Variants in KHK observed in about 807,000 individuals in gnomAD.
The protein encoded by KHK is ketohexokinase.
A neutral mutation model predicts 36.0 loss-of-function variants in KHK; 37 were observed. The observed-to-expected ratio is 1.03, with a 90% CI of 0.79 to 1.35. KHK has a LOEUF of 1.35. Ranked by LOEUF, KHK falls within the 40% of genes most tolerant of loss-of-function variation. The probability of loss-of-function intolerance (pLI) is 0.00; values close to 1 mark genes in which losing one functional copy is unlikely to be tolerated. For missense variants in KHK, 395 were observed against 391.9 expected (o/e 1.01, Z -0.07); for synonymous variants, 161 against 162.8 (o/e 0.99, Z 0.08).
chr2:27,094,322 C>T (rs913233818), intron 2 of KHK: 2 of 858,826 alleles, frequency 2.3e-6, no homozygotes, highest in East Asian at 2.5e-5. Context: ...TGCCCTGTTG[C>T]ACTGCCTGTG....
In KHK at chr2:27,097,644, G is replaced by A; in HGVS notation, c.559G>A (p.Asp187Asn). The A allele has an allele frequency of 6.2e-7, 1 of 1,614,086 alleles. No individual in the cohort carries two copies. Among genetic ancestry groups the A allele is most frequent in the Non-Finnish European group, 8.5e-7 (1 of 1,180,044 alleles). ...GCTCTTCCAGCTGTTTGGCTACGGA[G>A]ACGTGGTGGGTGCCCCATTCAGCCT... ...EELFQLFGYG[D>N]VVFVSKDVAK... Residue 187 changes from aspartate to asparagine, a missense_variant, in exon 5 of 8, where the codon GAC (aspartate) becomes AAC (asparagine). Coordinates refer to ENST00000260598, the MANE Select transcript of KHK (RefSeq NM_006488.3).
rs761781392 is a variant in KHK at position 27,097,476 on chromosome 2, G to A, written c.418-27G>A. On this transcript the variant is annotated intron_variant, in intron 4 of 7. Transcript: ENST00000260598. ...CAGATTGGCCAGGCAGTGCCCAGCG[G>A]TCCTGAGCTGCCCTGTCCTGTACCA... is the stretch of plus-strand genomic sequence containing the variant. 3.1e-6 allele frequency: 5 copies of A among 1,612,400 alleles called. No individual in the cohort carries two copies. In the South Asian group the frequency reaches 3.3e-5, roughly 11 times the overall value.
Position 27,099,855 on chromosome 2 carries a change from G to T in KHK, c.*105G>T. ...TCCAGGTTGCCCTGTTCAGGGGACA[G>T]ATGCAAGCTGTGGGGAGGACTCTGC... is the stretch of plus-strand genomic sequence containing the variant. On this transcript the variant is annotated 3_prime_UTR_variant, in exon 8 of 8. Transcript: ENST00000260598. 1 of 1,552,656 alleles carries T rather than the reference G, an allele frequency of 6.4e-7. No individual in the cohort carries two copies. Among genetic ancestry groups the T allele is most frequent in the Non-Finnish European group, 8.7e-7 (1 of 1,148,340 alleles).
chr2:27,087,486 C>T, intron 1 of KHK, 135 bp downstream of exon 1: 1 of 602,730 alleles, frequency 1.7e-6, no homozygotes, highest in South Asian at 2.3e-5. Flanking sequence ...CGCCCTCTAC[C>T]CGGGAATCCT....
intron 7 of KHK, 44 bp downstream of exon 7, chr2:27,099,621 T>C: frequency 6.2e-7 from 1 of 1,614,084 alleles, no homozygotes; most frequent in Non-Finnish European, 8.5e-7. Context: ...GACCTGTCCC[T>C]GCCCCAAACA....
chr2:27,089,520 G>A (rs755417807), intron 1 of KHK, among the ~76,000 whole-genome samples: 8 of 152,174 alleles, frequency 5.3e-5, no homozygotes, highest in East Asian at 1.9e-4. Flanking sequence ...TAATTCTGTC[G>A]GGAAGGTAGG....
At chr2:27,099,025 A>T in intron 5 of KHK, 171 bp from the exon 6 acceptor site, 1 of 694,230 alleles carries the variant, frequency 1.4e-6, no homozygotes, top group Non-Finnish European at 2.6e-6. Context: ...GACCATCTTC[A>T]CAAAAAATAA....
In KHK at chr2:27,100,495, G is replaced by C. The variant is rs1670753683; in HGVS notation, c.*745G>C. The C allele has an allele frequency of 7.7e-7, 1 of 1,290,892 alleles. No individual in the cohort carries two copies. Among genetic ancestry groups the C allele is most frequent in the South Asian group, 1.2e-5 (1 of 81,034 alleles). The allele number at this position is 1,290,892 out of a possible 1,614,324, so 80.0% of individuals were successfully genotyped here. A position where few individuals can be genotyped will look rare whatever the true frequency, so the allele number is the denominator to read the frequency against. ...GCTGTCCTCAGGGAGGTCCGATCTG[G>C]AACACATATTGGAATTGGGGCCAAC... On this transcript the variant is annotated 3_prime_UTR_variant, in exon 8 of 8. Coordinates refer to ENST00000260598, the MANE Select transcript of KHK (RefSeq NM_006488.3).
Position 27,097,635 on chromosome 2 carries a change from G to A in KHK, c.550G>A (p.Gly184Ser). Residue 184 changes from glycine to serine, a missense_variant, in exon 5 of 8, where the codon GGC (glycine) becomes AGC (serine). Physicochemically the swap from Gly to Ser is moderately conservative, Grantham distance 56. Transcript: ENST00000260598. ...KPREELFQLFGYGDVVFVSKD... is the reference protein window; with the variant it reads ...KPREELFQLFSYGDVVFVSKD... ...ACGAGAGGAGCTCTTCCAGCTGTTT[G>A]GCTACGGAGACGTGGTGGGTGCCCC... 1 of 1,614,090 alleles carries A rather than the reference G, an allele frequency of 6.2e-7. No homozygotes were observed. Among genetic ancestry groups the A allele is most frequent in the Non-Finnish European group, 8.5e-7 (1 of 1,180,036 alleles).
intron 3 of KHK, 111 bp downstream of exon 3, chr2:27,095,045 A>G: frequency 7.8e-7 from 1 of 1,275,992 alleles, no homozygotes; most frequent in Non-Finnish European, 1.1e-6. Context: ...GCTTCTGTGT[A>G]CCAGAAGTTG....
At chr2:27,098,336 C>G (rs1276177371) in intron 5 of KHK, among the ~76,000 whole-genome samples, 1 of 151,900 alleles carries the variant, frequency 6.6e-6, no homozygotes, top group East Asian at 1.9e-4. Flanking sequence ...GCCTGGACAA[C>G]ATAGCAAGAC....
Position 27,094,746 on chromosome 2 carries a change from C to A in KHK, c.210-54C>A, listed in dbSNP as rs1670231283. The A allele has an allele frequency of 4.3e-6, 7 of 1,613,916 alleles. No homozygotes were observed. In the East Asian group the frequency reaches 1.6e-4, roughly 36 times the overall value. ...TCCTTTTGGAGGTCCAGACCACTTCCAGGCTCTAATCTGTGTCTCCTTGCC... is the reference window on the plus strand; with the variant it reads ...TCCTTTTGGAGGTCCAGACCACTTCAAGGCTCTAATCTGTGTCTCCTTGCC... On this transcript the variant is annotated intron_variant, in intron 2 of 7. Transcript: ENST00000260598.
At chr2:27,090,661 G>T (rs1443497927) in intron 1 of KHK, among the ~76,000 whole-genome samples, 1 of 151,306 alleles carries the variant, frequency 6.6e-6, no homozygotes, top group Non-Finnish European at 1.5e-5. Context: ...CAACATCTTG[G>T]CCAGGCTGGT....
intron 4 of KHK, among the ~76,000 whole-genome samples, chr2:27,097,080 C>G (rs1354606209): frequency 2.6e-5 from 4 of 152,220 alleles, no homozygotes; most frequent in Non-Finnish European, 5.9e-5. Context: ...GCCTCCAACT[C>G]TGCCTCTGGC....
Position 27,100,656 on chromosome 2 carries a change from C to T in KHK, c.*906C>T. The T allele has an allele frequency of 9.4e-7, 1 of 1,068,128 alleles. No homozygotes were observed. Among genetic ancestry groups the T allele is most frequent in the Non-Finnish European group, 1.2e-6 (1 of 823,514 alleles). 66.2% of individuals were successfully genotyped at this position (1,068,128 alleles called of 1,614,324 possible). A position where few individuals can be genotyped will look rare whatever the true frequency, so the allele number is the denominator to read the frequency against. Reference sequence around the variant, plus strand: ...CTTAGGGTACAGCACTTAACGCAATCTGCCTCAATTTCTTCATCTGTCAAA... The same window carrying T: ...CTTAGGGTACAGCACTTAACGCAATTTGCCTCAATTTCTTCATCTGTCAAA... On this transcript the variant is annotated 3_prime_UTR_variant, in exon 8 of 8. Coordinates refer to ENST00000260598, the MANE Select transcript of KHK (RefSeq NM_006488.3).
intron 2 of KHK, among the ~76,000 whole-genome samples, chr2:27,093,823 T>A (rs571961206): frequency 6.6e-6 from 1 of 152,290 alleles, no homozygotes; most frequent in East Asian, 1.9e-4. Context: ...GAGAGAGTTC[T>A]GGACCAGGCC....
Position 27,100,372 on chromosome 2 carries a change from C to A in KHK, c.*622C>A, listed in dbSNP as rs762163233. 3 of 1,219,844 alleles carry A rather than the reference C, an allele frequency of 2.5e-6. No homozygotes were observed. Among genetic ancestry groups the A allele is most frequent in the Non-Finnish European group, 3.2e-6 (3 of 924,870 alleles). The allele number at this position is 1,219,844 out of a possible 1,614,324, so 75.6% of individuals were successfully genotyped here. A position where few individuals can be genotyped will look rare whatever the true frequency, so the allele number is the denominator to read the frequency against. On this transcript the variant is annotated 3_prime_UTR_variant, in exon 8 of 8. Transcript: ENST00000260598. ...TTCATTGTCCAGAAATACCTCCTCC[C>A]GCTGACTGCCCCAGAGCCTGAAAGT...
Position 27,099,787 on chromosome 2 carries a change from C to T in KHK, c.*37C>T, listed in dbSNP as rs1670689412. The T allele has an allele frequency of 1.2e-6, 2 of 1,607,568 alleles. No individual in the cohort carries two copies. The highest frequency in any genetic ancestry group is 1.7e-6 in the Non-Finnish European group (2 of 1,177,102). On this transcript the variant is annotated 3_prime_UTR_variant, in exon 8 of 8. Coordinates refer to ENST00000260598, the MANE Select transcript of KHK (RefSeq NM_006488.3). Reference sequence around the variant, plus strand: ...GGCTCCTCACACACCATGGAGACTACCATTGCGGCTGCATCGCCTTCTCCC... The same window carrying T: ...GGCTCCTCACACACCATGGAGACTATCATTGCGGCTGCATCGCCTTCTCCC...
Position 27,099,272 on chromosome 2 carries a change from G to A in KHK, c.641G>A (p.Arg214His), listed in dbSNP as rs61735561. ...GAAGCCTTGAGGGGCTTGTATGGTC[G>A]TGTGAGGAAAGGGTGAGCCGGGGAA... ...AEEALRGLYGRVRKGAVLVCA... is the reference protein window; with the variant it reads ...AEEALRGLYGHVRKGAVLVCA... The change falls in exon 6 of 8, where the codon CGT becomes CAT. Residue 214 changes from arginine (R) to histidine (H), a missense_variant. Transcript: ENST00000260598. 1.8e-4 allele frequency: 291 copies of A among 1,614,148 alleles called. 1 individual carries two copies. The African/African-American group carries it at 3.2e-3, about 18-fold the overall frequency.
Sources: allele counts gnomAD v4.1 joint callset (sites outside exome capture counted in the v4.1 genomes callset), GRCh38; gene constraint gnomAD v4.1.1; transcripts MANE v1.5; gene names NCBI Gene and HGNC (gene_info 2026-07-23, HGNC 2026-07-21).